The following PLIN4 variants were observed in gnomAD, a reference collection of about 807,000 sequenced individuals.
The protein encoded by PLIN4 is perilipin 4.
In PLIN4, 57 loss-of-function variants were observed where a neutral mutation model predicts 52.4. The ratio of observed to expected loss-of-function variants is 1.09; its 90% CI spans 0.88 to 1.36. PLIN4 has a LOEUF of 1.36. Among genes scored for constraint, PLIN4 ranks in the 40% most tolerant of loss-of-function variants. The pLI, the probability that PLIN4 is intolerant of heterozygous loss-of-function variation, is 0.00. For synonymous variants in PLIN4, 826 were observed against 785.4 expected, an observed-to-expected ratio of 1.05 and a Z score of -0.86; for missense variants, 1,757 against 1,770.3, an observed-to-expected ratio of 0.99 and a Z score of 0.13.
In PLIN4 at chr19:4,512,941, C is replaced by A. The variant is rs560475123; in HGVS notation, c.1019G>T (p.Gly340Val). The A allele has an allele frequency of 2.8e-5, 30 of 1,069,288 alleles. No individual in the cohort carries two copies. The East Asian group carries it at 7.1e-4, about 25-fold the overall frequency. The allele number at this position is 1,069,288 out of a possible 1,614,324, so 66.2% of individuals were successfully genotyped here. The change falls in exon 5 of 8, where the codon GGG (glycine) becomes GTG (valine). Residue 340 changes from glycine to valine, a missense_variant. Transcript: ENST00000301286. ...GGCCACATTCATGGCACCAGTCACCCCACTACAGACGGTGTCCTTGGTACC... is the reference window on the plus strand; with the variant it reads ...GGCCACATTCATGGCACCAGTCACCACACTACAGACGGTGTCCTTGGTACC... The part of the protein sequence containing the change: ...LTGTKDTVCS[G>V]VTGAMNVAKG...
At chr19:4,508,352 G>C (rs1350752417) in intron 6 of PLIN4, among the ~76,000 whole-genome samples, 1 of 152,154 alleles carries the variant, frequency 6.6e-6, no homozygotes, top group Non-Finnish European at 1.5e-5. Flanking sequence ...CGCCTCCCGG[G>C]TTCAACCTCG....
chr19:4,510,647 G>T lies in PLIN4; in HGVS notation c.3313C>A (p.Pro1105Thr), dbSNP rs1415753402. The change falls in exon 5 of 8, where the codon CCT (proline) becomes ACT (threonine). Residue 1105 changes from proline to threonine, a missense_variant. Physicochemically the swap from Pro to Thr is conservative, Grantham distance 38. Around this residue, in one of 7 missense-constraint regions of PLIN4, gnomAD observed 712 missense variants for 637.1 expected, o/e 1.12. Transcript: ENST00000301286. ...GTAGTGGCTGCGGCTTCCCAGGCAG[G>T]CTCCGGGCCTACACTGAGCACATCC... ...PPDVLSVGPE[P>T]AWEAAATTKG... 6.6e-7 allele frequency: 1 copy of T among 1,506,944 alleles called. No individual in the cohort carries two copies. Among genetic ancestry groups the T allele is most frequent in the Non-Finnish European group, 8.9e-7 (1 of 1,129,356 alleles). The allele number at this position is 1,506,944 out of a possible 1,614,324, so 93.3% of individuals were successfully genotyped here.
At chr19:4,506,537 C>A (rs59917493) in intron 6 of PLIN4, among the ~76,000 whole-genome samples, 11 of 152,274 alleles carry the variant, frequency 7.2e-5, no homozygotes, top group African/African-American at 2.6e-4. Flanking sequence ...CCCCCACCCC[C>A]CAAGGGCAGG....
At position 4,504,925 on chromosome 19, in the gene PLIN4, G is replaced by A; in HGVS notation, c.3725C>T (p.Pro1242Leu). The A allele has an allele frequency of 6.2e-7, 1 of 1,606,236 alleles. No individual in the cohort carries two copies. The change falls in exon 7 of 8, where the codon CCA (proline) becomes CTA (leucine). Residue 1242 changes from proline to leucine, a missense_variant. Transcript: ENST00000301286. ...CTGGTCCAGACGTGGCTGCCCTTCT[G>A]GAGCCTGCTGGGCCTTTTCAATCTG... ...FRLIEKAQQA[P>L]EGQPRLDQGS...
At chr19:4,518,144 G>T in intron 2 of PLIN4, 78 bp downstream of exon 2, 1 of 1,159,716 alleles carries the variant, frequency 8.6e-7, no homozygotes, top group Non-Finnish European at 1.1e-6. Flanking sequence ...CGAGACCCCA[G>T]GACTGTGGAG....
At position 4,509,310 on chromosome 19, in the gene PLIN4, C is replaced by CAAAAAAAAAAAAAAAAAAAA. The variant is rs71168909; in HGVS notation, c.3515-356_3515-355insTTTTTTTTTTTTTTTTTTTT. ...TGGGTAAGAGTGCGAGACTCCGTCT[C>CAAAAAAAAAAAAAAAAAAAA]AAAAAAAAAAAAAAAGTTAAGTGAG... On this transcript the variant is annotated intron_variant, in intron 5 of 7. Transcript: ENST00000301286. Among the ~76,000 whole-genome samples the CAAAAAAAAAAAAAAAAAAAA allele has an allele frequency of 7.2e-3, 114 of 15,788 alleles. 34 individuals are homozygous for CAAAAAAAAAAAAAAAAAAAA. Among genetic ancestry groups the CAAAAAAAAAAAAAAAAAAAA allele is most frequent in the African/African-American group, 0.012 (61 of 5,012 alleles). 10.4% of individuals were successfully genotyped at this position (15,788 alleles called of 152,430 possible).
chr19:4,508,600 G>A (rs545437290), intron 6 of PLIN4, among the ~76,000 whole-genome samples, 168 bp downstream of exon 6: 6 of 152,166 alleles, frequency 3.9e-5, no homozygotes, highest in African/African-American at 7.2e-5. Flanking sequence ...ATCTAGCTCC[G>A]TCCCCCTTGC....
rs200907256 is a variant in PLIN4 at position 4,516,618 on chromosome 19, T to G, written c.257A>C (p.Lys86Thr). Residue 86 changes from lysine to threonine, a missense_variant and splice_region_variant, in exon 4 of 8, where the codon AAG becomes ACG. Physicochemically the swap from Lys to Thr is moderately conservative, Grantham distance 78. Transcript: ENST00000301286. ...WTEKELQPSE[K>T]MVSGAKDLVC... ...ACCCTGCCCTGCACATCCTCTCACCTTTTCCGAAGGTTGCAGCTCCTTCTC... is the reference window on the plus strand; with the variant it reads ...ACCCTGCCCTGCACATCCTCTCACCGTTTCCGAAGGTTGCAGCTCCTTCTC... 3.1e-6 allele frequency: 5 copies of G among 1,602,058 alleles called. No homozygotes were observed. The highest frequency in any genetic ancestry group is 2.7e-5 in the African/African-American group (2 of 74,684).
chr19:4,517,525 C>T (rs761723199), intron 3 of PLIN4, 29 bp downstream of exon 3: 1 of 1,593,198 alleles, frequency 6.3e-7, no homozygotes, highest in Admixed American at 1.7e-5. Context: ...TAGAGTCCCC[C>T]CACGCCCCCA....
chr19:4,516,327 G>A (rs945768612), intron 4 of PLIN4, among the ~76,000 whole-genome samples: 2 of 152,100 alleles, frequency 1.3e-5, no homozygotes, highest in African/African-American at 4.8e-5. Flanking sequence ...CTGTCGCTTT[G>A]GTCTCATCTT....
Position 4,504,429 on chromosome 19 carries a change from A to C in PLIN4, c.*30T>G. ...GCTCCTCCCTGGACAGAGCAGGGCG[A>C]CCCCGCGCCGGGCCTGCAGGCTCCT... On this transcript the variant is annotated 3_prime_UTR_variant, in exon 8 of 8. Coordinates refer to ENST00000301286, the MANE Select transcript of PLIN4 (RefSeq NM_001367868.2). 5.3e-6 allele frequency: 8 copies of C among 1,498,984 alleles called. No homozygotes were observed. Among genetic ancestry groups the C allele is most frequent in the Non-Finnish European group, 7.1e-6 (8 of 1,123,900 alleles). 92.9% of individuals were successfully genotyped at this position (1,498,984 alleles called of 1,614,324 possible).
Position 4,512,846 on chromosome 19 carries a change from T to C in PLIN4, c.1114A>G (p.Ser372Gly). ...VLTGTKNTVCSGVTGAVNLAK... is the reference protein window; with the variant it reads ...VLTGTKNTVCGGVTGAVNLAK... ...AAGTTCACGGCACCGGTCACCCCAC[T>C]GCAGACAGTGTTCTTGGTGCCAGTT... Residue 372 changes from serine (S) to glycine (G), a missense_variant, in exon 5 of 8, where the codon AGT (serine) becomes GGT (glycine). Around this residue, in one of 7 missense-constraint regions of PLIN4, gnomAD observed 99 missense variants for 143.4 expected, o/e 0.69. Transcript: ENST00000301286. 6.4e-7 allele frequency: 1 copy of C among 1,572,200 alleles called. No individual in the cohort carries two copies. The highest frequency in any genetic ancestry group is 1.1e-5 in the South Asian group (1 of 90,306).
In PLIN4 at chr19:4,504,498, C is replaced by G. The variant is rs777272913; in HGVS notation, c.4077G>C (p.Trp1359Cys). Residue 1359 changes from tryptophan (W) to cysteine (C), a missense_variant, in exon 8 of 8, where the codon TGG becomes TGC. Physicochemically the swap from Trp to Cys is radical, Grantham distance 215. Coordinates refer to ENST00000301286, the MANE Select transcript of PLIN4 (RefSeq NM_001367868.2). Reference sequence around the variant, plus strand: ...CGGGCAAGGCGAAGGGCCCTACCAGCCAGCTGAGCGGGGGATTGTGCTGTA... The same window carrying G: ...CGGGCAAGGCGAAGGGCCCTACCAGGCAGCTGAGCGGGGGATTGTGCTGTA... ...EGLQHNPPLS[W>C]LVGPFALPAG... is the part of the protein sequence containing the mutation. The G allele has an allele frequency of 1.3e-5, 21 of 1,598,346 alleles. No individual in the cohort carries two copies. The highest frequency in any genetic ancestry group is 1.8e-5 in the Non-Finnish European group (21 of 1,171,528).
Position 4,512,788 on chromosome 19 carries a change from G to GTA in PLIN4, c.1170_1171dup (p.Thr391IlefsTer33). ...CGTACCCATGACCATAGACTTGGTG[G>GTA]TATCCAGGCCCCCCTGGATGGCCTC... On this transcript the variant is annotated frameshift_variant, in exon 5 of 8. Transcript: ENST00000301286. LOFTEE classifies it high-confidence loss of function. 6.4e-7 allele frequency: 1 copy of GTA among 1,564,702 alleles called. No individual in the cohort carries two copies. The highest frequency in any genetic ancestry group is 1.1e-5 in the South Asian group (1 of 89,924).
At position 4,510,616 on chromosome 19, in the gene PLIN4, C is replaced by T; in HGVS notation, c.3344G>A (p.Gly1115Asp). The T allele has an allele frequency of 6.6e-7, 1 of 1,509,820 alleles. No homozygotes were observed. The highest frequency in any genetic ancestry group is 8.9e-7 in the Non-Finnish European group (1 of 1,129,906). The allele number at this position is 1,509,820 out of a possible 1,614,324, so 93.5% of individuals were successfully genotyped here. Reference protein sequence around the residue: ...PAWEAAATTKGLATDVATFTQ... With the variant: ...PAWEAAATTKDLATDVATFTQ... ...GAACGTCGCCACGTCAGTCGCAAGG[C>T]CCTTGGTAGTGGCTGCGGCTTCCCA... The change falls in exon 5 of 8, where the codon GGC becomes GAC. Residue 1115 changes from glycine (G) to aspartate (D), a missense_variant. By Grantham distance (94) the Gly-to-Asp change is moderately conservative (BLOSUM62 -1). Coordinates refer to ENST00000301286, the MANE Select transcript of PLIN4 (RefSeq NM_001367868.2).
chr19:4,517,762 A>T, intron 2 of PLIN4, 64 bp from the exon 3 acceptor site: 1 of 1,522,960 alleles, frequency 6.6e-7, no homozygotes, highest in East Asian at 2.5e-5. Context: ...GGGTCAGAGG[A>T]AGCATCGATT....
In PLIN4 at chr19:4,503,717, TG is replaced by T. The variant is rs1419325175; in HGVS notation, c.*741del. 6.5e-6 allele frequency: 1 copy of T among 152,930 alleles called. No individual in the cohort carries two copies. The highest frequency in any genetic ancestry group is 2.4e-5 in the African/African-American group (1 of 41,448). 9.5% of individuals were successfully genotyped at this position (152,930 alleles called of 1,614,324 possible). On this transcript the variant is annotated 3_prime_UTR_variant, in exon 8 of 8. Coordinates refer to ENST00000301286, the MANE Select transcript of PLIN4 (RefSeq NM_001367868.2). ...TGGGCAGCTGGAGGCAGCAGCAGCC[TG>T]TTTGCTTGTTTTTTGCACCCCCCAC...
At position 4,510,217 on chromosome 19, in the gene PLIN4, T is replaced by C. The variant is rs1976244325; in HGVS notation, c.3514+229A>G. Reference sequence around the variant, plus strand: ...CTGTCTCTACTAAAAATACAAAAAATTAGCCGGGTGTGGTGGTGGGCGCCT... The same window carrying C: ...CTGTCTCTACTAAAAATACAAAAAACTAGCCGGGTGTGGTGGTGGGCGCCT... On this transcript the variant is annotated intron_variant, in intron 5 of 7. Coordinates refer to ENST00000301286, the MANE Select transcript of PLIN4 (RefSeq NM_001367868.2). 1.3e-5 allele frequency among the ~76,000 whole-genome samples: 2 copies of C among 151,374 alleles called. 1 individual carries two copies. The highest frequency in any genetic ancestry group is 1.3e-4 in the Admixed American group (2 of 15,186).
chr19:4,518,354 C>T (rs1976646248), intron 1 of PLIN4, 31 bp downstream of exon 1: 2 of 1,231,804 alleles, frequency 1.6e-6, no homozygotes, highest in Admixed American at 4.2e-5. Context: ...CACCCACTCC[C>T]CACTGAAAGC....
Sources: allele counts gnomAD v4.1 joint callset (sites outside exome capture counted in the v4.1 genomes callset), GRCh38; gene constraint gnomAD v4.1.1; regional missense constraint gnomAD v4.1.1; transcripts MANE v1.5; gene names NCBI Gene and HGNC (gene_info 2026-07-23, HGNC 2026-07-21).